Variants in SPPL3 observed in about 807,000 individuals in gnomAD.
SPPL3 encodes the protein signal peptide peptidase-like 3.
SPPL3 carries 5 observed loss-of-function variants against 42.4 expected under a neutral mutation model. That is an observed-to-expected ratio of 0.12 (90% CI 0.06 to 0.25). SPPL3 has a LOEUF of 0.25. Among genes scored for constraint, SPPL3 ranks in the 10% least tolerant of loss-of-function variants. The probability of loss-of-function intolerance (pLI) is 1.00; values close to 1 mark genes in which losing one functional copy is unlikely to be tolerated. For missense variants in SPPL3, 235 were observed against 489.0 expected, an observed-to-expected ratio of 0.48 and a Z score of 4.90; for synonymous variants, 195 against 181.8, an observed-to-expected ratio of 1.07 and a Z score of -0.58.
At chr12:120,896,327 A>G (rs1047364257) in intron 1 of SPPL3, among the ~76,000 whole-genome samples, 8 of 152,192 alleles carry the variant, frequency 5.3e-5, no homozygotes, top group African/African-American at 1.9e-4. Flanking sequence ...AGGGGTAACA[A>G]TTCATTGAGA....
At chr12:120,827,680 C>G (rs1381337050) in intron 1 of SPPL3, among the ~76,000 whole-genome samples, 1 of 152,214 alleles carries the variant, frequency 6.6e-6, no homozygotes, top group Non-Finnish European at 1.5e-5. Flanking sequence ...CCCCCAGCCT[C>G]AGCTGGGATC....
intron 3 of SPPL3, 77 bp downstream of exon 3, chr12:120,791,392 T>A: frequency 1.0e-6 from 1 of 968,512 alleles, no homozygotes; most frequent in South Asian, 1.6e-5. Context: ...ACCCAGTAAA[T>A]TATTAACTGG....
chr12:120,894,627 C>T (rs1311887092), intron 1 of SPPL3, among the ~76,000 whole-genome samples: 1 of 152,150 alleles, frequency 6.6e-6, no homozygotes, highest in African/African-American at 2.4e-5. Context: ...GTGTGCCTGT[C>T]AGGCATGGTG....
At chr12:120,797,930 C>T (rs1311715934) in intron 2 of SPPL3, among the ~76,000 whole-genome samples, 1 of 152,186 alleles carries the variant, frequency 6.6e-6, no homozygotes, top group Non-Finnish European at 1.5e-5. Context: ...CTTTCATTCA[C>T]TAAAACTCCC....
chr12:120,825,392 A>T, intron 1 of SPPL3, among the ~76,000 whole-genome samples: 1 of 152,232 alleles, frequency 6.6e-6, no homozygotes, highest in Non-Finnish European at 1.5e-5. Context: ...GTGAGTTAGG[A>T]AACACTAAAG....
chr12:120,881,865 TCA>T (rs1160427119), intron 1 of SPPL3, among the ~76,000 whole-genome samples: 4 of 151,750 alleles, frequency 2.6e-5, no homozygotes, highest in African/African-American at 9.7e-5. Context: ...ATAGTCAAAT[TCA>T]CAGAGACAGA....
intron 2 of SPPL3, among the ~76,000 whole-genome samples, chr12:120,808,879 T>C (rs1870589139): frequency 6.6e-6 from 1 of 152,194 alleles, no homozygotes; most frequent in Non-Finnish European, 1.5e-5. Context: ...AATTGCAAAG[T>C]CCTTTGAAAT....
intron 1 of SPPL3, among the ~76,000 whole-genome samples, chr12:120,830,605 G>A (rs1871395215): frequency 7.1e-6 from 1 of 141,842 alleles, no homozygotes; most frequent in Non-Finnish European, 1.5e-5. Flanking sequence ...GAGAGAGAGA[G>A]AAGGTGTACA....
intron 1 of SPPL3, among the ~76,000 whole-genome samples, chr12:120,883,698 C>T (rs1201971778): frequency 6.6e-6 from 1 of 152,012 alleles, no homozygotes; most frequent in African/African-American, 2.4e-5. Context: ...TGGGACAAAT[C>T]TTAGAAAAAA....
intron 1 of SPPL3, among the ~76,000 whole-genome samples, chr12:120,859,375 T>G (rs1047898270): frequency 2.0e-5 from 3 of 152,156 alleles, no homozygotes; most frequent in African/African-American, 7.2e-5. Context: ...GAGAAAAAAT[T>G]AAAAATGCTT....
intron 1 of SPPL3, among the ~76,000 whole-genome samples, chr12:120,840,840 TAAAATA>T (rs967510482): frequency 6.7e-6 from 1 of 150,204 alleles, no homozygotes; most frequent in Non-Finnish European, 1.5e-5. Flanking sequence ...TCTGAAAAAA[TAAAATA>T]AAAATAAAAA....
chr12:120,900,456 T>A (rs1337247738), intron 1 of SPPL3, among the ~76,000 whole-genome samples: 3 of 151,414 alleles, frequency 2.0e-5, no homozygotes, highest in Admixed American at 1.3e-4. Flanking sequence ...AATGCAATAA[T>A]CAGCCGGGCG....
intron 6 of SPPL3, among the ~76,000 whole-genome samples, chr12:120,771,444 G>T (rs967254686): frequency 3.9e-5 from 6 of 152,198 alleles, no homozygotes; most frequent in African/African-American, 1.4e-4. Context: ...AGTTCTTCAC[G>T]CAAGTACTAG....
At position 120,876,808 on chromosome 12, in the gene SPPL3, TACACACACACAC is replaced by T. The variant is rs71076677; in HGVS notation, c.23+27025_23+27036del. ...CTAAGCTTCTACCTTGAGAAACACA[TACACACACACAC>T]ACACACACACACACACACACACAAA... On this transcript the variant is annotated intron_variant, in intron 1 of 10. Transcript: ENST00000353487. Among the ~76,000 whole-genome samples, 445 of 146,688 alleles carry T rather than the reference TACACACACACAC, an allele frequency of 3.0e-3. 1 individual carries two copies. Among genetic ancestry groups the T allele is most frequent in the African/African-American group, 7.2e-3 (288 of 39,988 alleles).
chr12:120,780,435 A>T (rs1869486698), intron 6 of SPPL3, among the ~76,000 whole-genome samples: 1 of 151,122 alleles, frequency 6.6e-6, no homozygotes. Context: ...GCAACAGAGT[A>T]AGGCCCTGTC....
At chr12:120,867,638 A>C (rs190466780) in intron 1 of SPPL3, among the ~76,000 whole-genome samples, 1 of 118,728 alleles carries the variant, frequency 8.4e-6, no homozygotes, top group Admixed American at 9.6e-5. Context: ...CTGGCTACAG[A>C]GCGAGACTCT....
At chr12:120,878,809 T>C (rs1014494848) in intron 1 of SPPL3, among the ~76,000 whole-genome samples, 3 of 152,048 alleles carry the variant, frequency 2.0e-5, no homozygotes, top group African/African-American at 7.2e-5. Flanking sequence ...GCATTCCTTG[T>C]AGGGTTAAGA....
chr12:120,800,470 T>C (rs1870253294), intron 2 of SPPL3, among the ~76,000 whole-genome samples: 1 of 151,786 alleles, frequency 6.6e-6, no homozygotes. Context: ...ACCACTTCAC[T>C]CCACCCTGGG....
intron 1 of SPPL3, among the ~76,000 whole-genome samples, chr12:120,888,682 G>C (rs1873540316): frequency 6.6e-6 from 1 of 152,192 alleles, no homozygotes; most frequent in Non-Finnish European, 1.5e-5. Flanking sequence ...AATATGTACA[G>C]TTTCTTTTGG....
Sources: gnomAD v4.1 joint callset for allele counts (sites outside exome capture counted in the v4.1 genomes callset) on GRCh38, gnomAD v4.1.1 for gene constraint, MANE v1.5 for transcripts, NCBI Gene and HGNC (gene_info 2026-07-23, HGNC 2026-07-21) for gene names.